Variants in CTNNA3 observed in about 807,000 individuals in gnomAD.
The protein encoded by CTNNA3 is catenin alpha 3, also known as catenin alpha-3.
CTNNA3 carries 76 observed loss-of-function variants against 95.7 expected under a neutral mutation model. The observed-to-expected ratio is 0.79, with a 90% CI of 0.66 to 0.96. The LOEUF is 0.96. CTNNA3 is among the 40% of genes least tolerant of loss of function. The pLI is 0.00. For synonymous variants in CTNNA3, 431 were observed against 374.4 expected (o/e 1.15, Z -1.74); for missense variants, 1,191 against 1,089.8 (o/e 1.09, Z -1.31).
chr10:67,302,077 AAGAAAG>A (rs1471915089), intron 5 of CTNNA3, among the ~76,000 whole-genome samples: 2 of 121,414 alleles, frequency 1.6e-5, no homozygotes, highest in African/African-American at 5.8e-5. Context: ...GAAAGAAAGA[AAGAAAG>A]AAAGAAAGAA....
At chr10:67,342,696 T>A (rs1842256586) in intron 5 of CTNNA3, among the ~76,000 whole-genome samples, 1 of 152,206 alleles carries the variant, frequency 6.6e-6, no homozygotes, top group Non-Finnish European at 1.5e-5. Flanking sequence ...GAAGAGACTG[T>A]CTTTTTTCGC....
chr10:67,282,105 T>A (rs969157562), intron 5 of CTNNA3, among the ~76,000 whole-genome samples: 2 of 152,296 alleles, frequency 1.3e-5, no homozygotes, highest in African/African-American at 4.8e-5. Context: ...TAAAGTAAAT[T>A]AAACAGAAAA....
rs149981820 is a variant in CTNNA3, at chr10:66,558,112, G to A, written c.1375-37339C>T. ...TGTAAAATGAGAGAATAAGCACTGG[G>A]GAAAACTGGGATATGGATAAGCACA... On this transcript the variant is annotated intron_variant, in intron 10 of 17. Coordinates refer to ENST00000433211, the MANE Select transcript of CTNNA3 (RefSeq NM_013266.4). Among the ~76,000 whole-genome samples, 652 of 152,142 alleles carry A rather than the reference G, an allele frequency of 4.3e-3. 5 individuals carry two copies. The highest frequency in any genetic ancestry group is 5.1e-3 in the Non-Finnish European group (347 of 67,982).
At chr10:67,168,047 G>T (rs1861858950) in intron 7 of CTNNA3, among the ~76,000 whole-genome samples, 1 of 152,136 alleles carries the variant, frequency 6.6e-6, no homozygotes, top group South Asian at 2.1e-4. Flanking sequence ...TGAGGCAGGA[G>T]AATTGCTTGA....
At chr10:67,432,597 G>A (rs2082729850) in intron 5 of CTNNA3, among the ~76,000 whole-genome samples, 1 of 151,926 alleles carries the variant, frequency 6.6e-6, no homozygotes, top group East Asian at 1.9e-4. Flanking sequence ...CTATGTGCCT[G>A]TGCCAAAACT....
intron 1 of CTNNA3, among the ~76,000 whole-genome samples, chr10:67,755,534 G>C (rs1053220279): frequency 6.6e-6 from 1 of 151,998 alleles, no homozygotes; most frequent in Non-Finnish European, 1.5e-5. Flanking sequence ...GGGCATGGTG[G>C]CTCATGCCTG....
chr10:67,701,693 G>A (rs963263719), intron 1 of CTNNA3, among the ~76,000 whole-genome samples: 41 of 152,258 alleles, frequency 2.7e-4, no homozygotes, highest in African/African-American at 6.3e-4. Context: ...AAAGACCATC[G>A]AGGCTAGGAA....
At chr10:67,604,243 C>G (rs981016283) in intron 3 of CTNNA3, among the ~76,000 whole-genome samples, 1 of 152,164 alleles carries the variant, frequency 6.6e-6, no homozygotes, top group Non-Finnish European at 1.5e-5. Flanking sequence ...GCTGATAACA[C>G]ATGCACAGAG....
intron 10 of CTNNA3, among the ~76,000 whole-genome samples, chr10:66,544,007 G>A (rs1004434369): frequency 1.5e-4 from 8 of 55,022 alleles, no homozygotes; most frequent in Non-Finnish European, 3.9e-4. Flanking sequence ...GAGCTAAATG[G>A]ATGACCTATC....
At chr10:66,140,531 A>G (rs188589359) in intron 13 of CTNNA3, among the ~76,000 whole-genome samples, 1 of 152,294 alleles carries the variant, frequency 6.6e-6, no homozygotes, top group Admixed American at 6.5e-5. Context: ...TTTAAGCCCT[A>G]TTCATAATGT....
intron 3 of CTNNA3, among the ~76,000 whole-genome samples, chr10:67,572,943 G>T (rs1321123460): frequency 6.6e-6 from 1 of 152,098 alleles, no homozygotes; most frequent in Non-Finnish European, 1.5e-5. Flanking sequence ...TAAAAAGTTA[G>T]CTTGGCATGG....
chr10:66,957,460 A>T (rs1848882177), intron 7 of CTNNA3, among the ~76,000 whole-genome samples: 1 of 51,008 alleles, frequency 2.0e-5, no homozygotes. Flanking sequence ...ATATATGCAT[A>T]TATATATATG....
intron 3 of CTNNA3, among the ~76,000 whole-genome samples, chr10:67,577,711 TG>T (rs1438925723): frequency 1.8e-4 from 27 of 151,906 alleles, no homozygotes; most frequent in African/African-American, 6.0e-4. Context: ...TATGTGTGTG[TG>T]TGTGTGTGTG....
At chr10:66,638,944 TG>T (rs59699085) in intron 9 of CTNNA3, among the ~76,000 whole-genome samples, 1,623 of 152,246 alleles carry the variant, frequency 0.011, 36 homozygotes, top group African/African-American at 0.037. Context: ...ACAAACAATA[TG>T]TTTTTTTTAA....
intron 2 of CTNNA3, among the ~76,000 whole-genome samples, chr10:67,618,740 T>C (rs948455946): frequency 1.6e-4 from 24 of 152,224 alleles, no homozygotes; most frequent in African/African-American, 4.8e-4. Flanking sequence ...CAAAATATGA[T>C]TTAAATATAG....
chr10:67,366,885 T>C (rs1207617238), intron 5 of CTNNA3, among the ~76,000 whole-genome samples: 1 of 152,134 alleles, frequency 6.6e-6, no homozygotes, highest in East Asian at 1.9e-4. Flanking sequence ...AACTATCCTC[T>C]AAAACTGTGA....
intron 10 of CTNNA3, among the ~76,000 whole-genome samples, chr10:66,541,529 C>G (rs1415948524): frequency 2.6e-5 from 4 of 152,054 alleles, no homozygotes; most frequent in African/African-American, 9.7e-5. Context: ...CTCACCAATT[C>G]CTTTACTAAT....
chr10:65,930,210 A>C (rs1477680252), intron 17 of CTNNA3, among the ~76,000 whole-genome samples: 9 of 150,610 alleles, frequency 6.0e-5, no homozygotes, highest in East Asian at 3.9e-4. Flanking sequence ...AAAAAAAAAA[A>C]AAAAAAAAAA....
At chr10:67,539,727 G>T in intron 3 of CTNNA3, 58 bp from the exon 4 acceptor site, 1 of 1,488,438 alleles carries the variant, frequency 6.7e-7, no homozygotes, top group Non-Finnish European at 9.3e-7. Context: ...CCTATTTCAG[G>T]ATTTATCAGC....
Sources: allele counts gnomAD v4.1 joint callset (sites outside exome capture counted in the v4.1 genomes callset), GRCh38; gene constraint gnomAD v4.1.1; transcripts MANE v1.5; gene names NCBI Gene and HGNC (gene_info 2026-07-23, HGNC 2026-07-21).